The following TRIP4 variants were observed in gnomAD, a reference collection of about 807,000 sequenced individuals.
TRIP4 encodes the protein activating signal cointegrator 1.
Under a neutral mutation model 81.8 loss-of-function variants are expected in TRIP4, and 54 were observed. That is an observed-to-expected ratio of 0.66 (90% CI 0.53 to 0.83). The LOEUF (loss-of-function observed/expected upper bound fraction) is 0.83. Ranked by LOEUF, TRIP4 falls within the 40% of genes least tolerant of loss-of-function variation. The pLI, the probability that TRIP4 is intolerant of heterozygous loss-of-function variation, is 0.00. For missense variants in TRIP4, 662 were observed against 683.6 expected, an observed-to-expected ratio of 0.97 and a Z score of 0.35; for synonymous variants, 270 against 242.8, an observed-to-expected ratio of 1.11 and a Z score of -1.04.
At chr15:64,440,459 CTT>C (rs11416239) in intron 11 of TRIP4, among the ~76,000 whole-genome samples, 1 of 144,888 alleles carries the variant, frequency 6.9e-6, no homozygotes. Context: ...TTGTGGTTGT[CTT>C]TTTTTTTTTT....
At chr15:64,418,989 GAA>G (rs1183800021) in intron 9 of TRIP4, among the ~76,000 whole-genome samples, 1 of 152,068 alleles carries the variant, frequency 6.6e-6, no homozygotes, top group African/African-American at 2.4e-5. Flanking sequence ...AAAAGGCTAA[GAA>G]AGTCATAACA....
intron 5 of TRIP4, among the ~76,000 whole-genome samples, chr15:64,404,171 C>G (rs760135884): frequency 2.0e-5 from 3 of 151,020 alleles, no homozygotes; most frequent in Non-Finnish European, 4.4e-5. Context: ...GCCTGGGCAA[C>G]GAGAGTGAAA....
chr15:64,387,889 G>T lies in TRIP4; in HGVS notation c.26G>T (p.Gly9Val). ...ATGGCGGTGGCTGGGGCGGTGTCCG[G>T]GGAGCCGCTGGTGCACTGGTGCACC... MAVAGAVS[G>V]EPLVHWCTQQ... The change falls in exon 1 of 13, where the codon GGG becomes GTG. Residue 9 changes from glycine (G) to valine (V), a missense_variant. Physicochemically the swap from Gly to Val is moderately radical, Grantham distance 109. Transcript: ENST00000261884. 6.5e-7 allele frequency: 1 copy of T among 1,548,972 alleles called. No individual in the cohort carries two copies. Among genetic ancestry groups the T allele is most frequent in the Non-Finnish European group, 8.7e-7 (1 of 1,146,966 alleles).
intron 8 of TRIP4, among the ~76,000 whole-genome samples, chr15:64,414,693 T>A (rs1192356896): frequency 2.6e-5 from 4 of 151,828 alleles, no homozygotes; most frequent in African/African-American, 9.7e-5. Flanking sequence ...ATTTTTTGTA[T>A]TTTTTAATAG....
At chr15:64,402,523 ATT>A (rs570424030) in intron 5 of TRIP4, among the ~76,000 whole-genome samples, 3 of 114,070 alleles carry the variant, frequency 2.6e-5, no homozygotes, top group Non-Finnish European at 1.8e-5. Flanking sequence ...CCCGGCCAAC[ATT>A]TTTTTTTTTT....
At chr15:64,388,389 C>G (rs1353290496) in intron 1 of TRIP4, among the ~76,000 whole-genome samples, 1 of 152,192 alleles carries the variant, frequency 6.6e-6, no homozygotes, top group Non-Finnish European at 1.5e-5. Context: ...TCACTGCAAC[C>G]TCCGCCTTCC....
intron 9 of TRIP4, among the ~76,000 whole-genome samples, chr15:64,423,495 GGT>G (rs756099618): frequency 2.7e-5 from 4 of 150,004 alleles, no homozygotes; most frequent in Non-Finnish European, 5.9e-5. Context: ...AAAGCAAATG[GGT>G]GTGGTTCTAA....
intron 2 of TRIP4, among the ~76,000 whole-genome samples, chr15:64,394,323 A>G (rs922565531): frequency 2.0e-5 from 3 of 152,108 alleles, no homozygotes; most frequent in African/African-American, 7.2e-5. Flanking sequence ...TATCACAAAA[A>G]GGCCGGGCGT....
In TRIP4 at chr15:64,410,959, T is replaced by TA. The variant is rs140913744; in HGVS notation, c.1043+1132dup. 1.5e-3 allele frequency among the ~76,000 whole-genome samples: 235 copies of TA among 152,284 alleles called. 2 individuals carry two copies. Among genetic ancestry groups the TA allele is most frequent in the African/African-American group, 5.3e-3 (220 of 41,578 alleles). On this transcript the variant is annotated intron_variant, in intron 7 of 12. Transcript: ENST00000261884. ...AGATGTTTAACTAGCAATCAGGAAA[T>TA]ACAGATTTTAAAACAATATATCAAT...
chr15:64,394,237 T>C (rs1900221343), intron 2 of TRIP4, 122 bp downstream of exon 2: 2 of 763,696 alleles, frequency 2.6e-6, no homozygotes, highest in Non-Finnish European at 2.0e-6. Context: ...AACAGAGTCA[T>C]ATGTATACAT....
Position 64,400,824 on chromosome 15 carries a change from A to G in TRIP4, c.697+3A>G. 6.2e-7 allele frequency: 1 copy of G among 1,612,974 alleles called. No homozygotes were observed. Among genetic ancestry groups the G allele is most frequent in the African/African-American group, 1.3e-5 (1 of 75,048 alleles). On this transcript the variant is annotated splice_donor_region_variant and intron_variant, in intron 5 of 12. Coordinates refer to ENST00000261884, the MANE Select transcript of TRIP4 (RefSeq NM_016213.5). ...ACTGCTAAAGAAACTCATGTCAGGTAGACAGCAGTCTTGTAATTGGATCAC... is the reference window on the plus strand; with the variant it reads ...ACTGCTAAAGAAACTCATGTCAGGTGGACAGCAGTCTTGTAATTGGATCAC...
chr15:64,424,297 G>C (rs903387076), intron 10 of TRIP4, 142 bp downstream of exon 10: 1 of 1,159,140 alleles, frequency 8.6e-7, no homozygotes, highest in African/African-American at 1.6e-5. Flanking sequence ...TTGTTTAGTG[G>C]TAAATCATTG....
At chr15:64,454,364 A>G (rs1373729782) in intron 12 of TRIP4, among the ~76,000 whole-genome samples, 1 of 152,170 alleles carries the variant, frequency 6.6e-6, no homozygotes, top group Admixed American at 6.5e-5. Context: ...GTCAGAGACC[A>G]CATCAGTAAT....
chr15:64,451,015 G>C (rs1345009087), intron 12 of TRIP4: 1 of 182,498 alleles, frequency 5.5e-6, no homozygotes. Flanking sequence ...GTAAATGAAA[G>C]GTGAAATTGA....
chr15:64,411,381 TAATG>T (rs2140293207), intron 7 of TRIP4, among the ~76,000 whole-genome samples: 1 of 152,284 alleles, frequency 6.6e-6, no homozygotes, highest in South Asian at 2.1e-4. Context: ...GGGATGCTAA[TAATG>T]GGGGAGGCTA....
intron 12 of TRIP4, among the ~76,000 whole-genome samples, chr15:64,446,688 C>G (rs1165730305): frequency 6.6e-6 from 1 of 151,752 alleles, no homozygotes; most frequent in Non-Finnish European, 1.5e-5. Context: ...AGGCGTGAGC[C>G]ACTGTACCTG....
chr15:64,398,235 A>T (rs943995530), intron 4 of TRIP4, among the ~76,000 whole-genome samples: 1 of 151,918 alleles, frequency 6.6e-6, no homozygotes, highest in Non-Finnish European at 1.5e-5. Flanking sequence ...TCCCTAAAAT[A>T]TCCAGTGAAC....
intron 11 of TRIP4, among the ~76,000 whole-genome samples, chr15:64,432,600 ACT>A (rs746033065): frequency 1.3e-5 from 2 of 151,376 alleles, no homozygotes; most frequent in Non-Finnish European, 2.9e-5. Flanking sequence ...ACAGAGCAAG[ACT>A]CTGTCTGAAA....
chr15:64,415,058 G>A (rs1891863088), intron 8 of TRIP4, among the ~76,000 whole-genome samples: 1 of 151,458 alleles, frequency 6.6e-6, no homozygotes, highest in Admixed American at 6.6e-5. Context: ...TCATGCCACT[G>A]CACTCCAGCC....
Sources: gnomAD v4.1 joint callset for allele counts (sites outside exome capture counted in the v4.1 genomes callset) on GRCh38, gnomAD v4.1.1 for gene constraint, MANE v1.5 for transcripts, NCBI Gene and HGNC (gene_info 2026-07-23, HGNC 2026-07-21) for gene names.